Variants in VPS29 observed in about 807,000 individuals in gnomAD.
The protein encoded by VPS29 is VPS29 retromer complex component.
Under a neutral mutation model 20.0 loss-of-function variants are expected in VPS29, and 2 were observed. That is an observed-to-expected ratio of 0.10 (90% CI 0.04 to 0.31). The LOEUF (loss-of-function observed/expected upper bound fraction) is 0.31, where lower values mean the gene tolerates loss of function less well. Ranked by LOEUF, VPS29 falls within the 10% of genes least tolerant of loss-of-function variation. VPS29 has a pLI of 1.00. For synonymous variants in VPS29, 81 were observed against 79.3 expected (o/e 1.02, Z -0.12); for missense variants, 120 against 215.3 (o/e 0.56, Z 2.77).
chr12:110,496,126 C>T lies in VPS29; in HGVS notation c.81G>A (p.Val27=). ...AGAGAATGTGCTGAATTTTTCCTGG[C>T]ACCAGGAGTTTTTTGAATTTAGCTG... ...SLPAKFKKLL[V]PGKIQHILCT... Residue 27 remains valine, a synonymous_variant, in exon 2 of 4, where the codon GTG becomes GTA. Coordinates refer to ENST00000549578, the MANE Select transcript of VPS29 (RefSeq NM_016226.5). The T allele has an allele frequency of 1.2e-6, 2 of 1,613,988 alleles. No homozygotes were observed. The highest frequency in any genetic ancestry group is 1.7e-6 in the Non-Finnish European group (2 of 1,179,914).
intron 1 of VPS29, chr12:110,501,675 C>A (rs2063052544): frequency 6.7e-7 from 1 of 1,486,108 alleles, no homozygotes; most frequent in African/African-American, 1.4e-5. Flanking sequence ...TTGCGGGAAA[C>A]GAGTAGGAAC....
chr12:110,499,572 C>T, intron 1 of VPS29: 1 of 1,562,576 alleles, frequency 6.4e-7, no homozygotes, highest in Non-Finnish European at 8.8e-7. Context: ...AAGTTGATTG[C>T]AGACAGGGGG....
intron 1 of VPS29, among the ~76,000 whole-genome samples, chr12:110,498,584 C>A (rs1051269641): frequency 2.0e-5 from 3 of 152,140 alleles, no homozygotes; most frequent in African/African-American, 7.2e-5. Flanking sequence ...GGAACCGTTA[C>A]CAGGACACAG....
rs2062819229 is a variant in VPS29, at chr12:110,491,663, A to G, written c.*342T>C. 5.6e-6 allele frequency: 1 copy of G among 178,114 alleles called. No individual in the cohort carries two copies. The highest frequency in any genetic ancestry group is 1.2e-5 in the Non-Finnish European group (1 of 85,330). The allele number at this position is 178,114 out of a possible 1,614,324, so 11.0% of individuals were successfully genotyped here. A position where few individuals can be genotyped will look rare whatever the true frequency, so the allele number is the denominator to read the frequency against. On this transcript the variant is annotated 3_prime_UTR_variant, in exon 4 of 4. Transcript: ENST00000549578. ...TTGTTTATTACTGGAGAAGAGAAAA[A>G]TGTATACAAGAAAGTCTAGATTCTT... is the stretch of plus-strand genomic sequence containing the variant.
intron 1 of VPS29, chr12:110,501,376 C>T (rs1448833573): frequency 1.3e-6 from 2 of 1,534,760 alleles, no homozygotes; most frequent in Admixed American, 2.0e-5. Context: ...AAAAATTTCC[C>T]AACAGTTTCA....
intron 2 of VPS29, among the ~76,000 whole-genome samples, chr12:110,493,887 A>C (rs915417314): frequency 3.3e-5 from 5 of 152,174 alleles, no homozygotes; most frequent in Non-Finnish European, 5.9e-5. Context: ...ATTATAGCTT[A>C]ATGTAGCCTT....
chr12:110,493,226 C>A lies in VPS29; in HGVS notation c.201G>T (p.Leu67=), dbSNP rs1279962891. The A allele has an allele frequency of 6.7e-7, 1 of 1,500,548 alleles. No homozygotes were observed. 93.0% of individuals were successfully genotyped at this position (1,500,548 alleles called of 1,614,324 possible). Residue 67 remains leucine, a synonymous_variant, in exon 3 of 4, where the codon CTG becomes CTT. Transcript: ENST00000549578. ...HIVRGDFDEN[L]NYPEQKVVTV... is the part of the protein sequence containing the mutation. ...TCACAACTTTCTGTTCTGGATAATT[C>A]AGATTCTAACATAAGAAAAAGACGT...
At position 110,492,118 on chromosome 12, in the gene VPS29, T is replaced by C; in HGVS notation, c.436A>G (p.Ile146Val). The change falls in exon 4 of 4, where the codon ATT (isoleucine) becomes GTT (valine). Residue 146 changes from isoleucine to valine, a missense_variant. By Grantham distance (29) the Ile-to-Val change is conservative. Transcript: ENST00000549578. Reference protein sequence around the residue: ...TGAYNALETNIIPSFVLMDIQ... With the variant: ...TGAYNALETNVIPSFVLMDIQ... ...TCCATCAACACAAATGATGGAATAA[T>C]GTTTCTAGAAGAAAAAATAAATAAT... 1.9e-6 allele frequency: 3 copies of C among 1,607,592 alleles called. No homozygotes were observed. Among genetic ancestry groups the C allele is most frequent in the Non-Finnish European group, 1.7e-6 (2 of 1,175,864 alleles).
chr12:110,496,057 C>T lies in VPS29; in HGVS notation c.150G>A (p.Lys50=). The change falls in exon 2 of 4, where the codon AAG becomes AAA. Residue 50 remains lysine, a synonymous_variant. Transcript: ENST00000549578. The part of the protein sequence containing the change: ...LCTKESYDYL[K]TLAGDVHIVR... Reference sequence around the variant, plus strand: ...CAATATGAACATCACCAGCCAGAGTCTTGAGATAGTCATAACTCTCTTTGG... The same window carrying T: ...CAATATGAACATCACCAGCCAGAGTTTTGAGATAGTCATAACTCTCTTTGG... The T allele has an allele frequency of 6.2e-7, 1 of 1,610,208 alleles. No homozygotes were observed.
Position 110,493,172 on chromosome 12 carries a change from G to T in VPS29, c.255C>A (p.Ile85=), listed in dbSNP as rs1441986670. The T allele has an allele frequency of 1.2e-6, 2 of 1,609,218 alleles. No individual in the cohort carries two copies. The highest frequency in any genetic ancestry group is 2.7e-5 in the African/African-American group (2 of 74,720). Residue 85 remains isoleucine, a synonymous_variant, in exon 3 of 4, where the codon ATC becomes ATA. Coordinates refer to ENST00000549578, the MANE Select transcript of VPS29 (RefSeq NM_016226.5). Reference sequence around the variant, plus strand: ...CCCATGGAATAACTTGATGTCCATGGATCAGACCAATTTTGAACTGTCCAA... The same window carrying T: ...CCCATGGAATAACTTGATGTCCATGTATCAGACCAATTTTGAACTGTCCAA... The part of the protein sequence containing the change: ...VTVGQFKIGL[I]HGHQVIPWGD...
intron 2 of VPS29, among the ~76,000 whole-genome samples, chr12:110,494,701 C>G (rs1233869461): frequency 6.6e-6 from 1 of 151,886 alleles, no homozygotes; most frequent in Non-Finnish European, 1.5e-5. Flanking sequence ...CCATTATTAA[C>G]TAATGGGAAC....
intron 2 of VPS29, 79 bp downstream of exon 2, chr12:110,495,933 C>A: frequency 1.2e-5 from 16 of 1,289,910 alleles, no homozygotes; most frequent in Middle Eastern, 2.0e-4. Flanking sequence ...AGTTGAGAAA[C>A]CCTGGTCTAA....
At position 110,493,177 on chromosome 12, in the gene VPS29, G is replaced by C. The variant is rs2062845599; in HGVS notation, c.250C>G (p.Leu84Val). Reference sequence around the variant, plus strand: ...GGAATAACTTGATGTCCATGGATCAGACCAATTTTGAACTGTCCAACAGTC... The same window carrying C: ...GGAATAACTTGATGTCCATGGATCACACCAATTTTGAACTGTCCAACAGTC... ...VVTVGQFKIGLIHGHQVIPWG... is the reference protein window; with the variant it reads ...VVTVGQFKIGVIHGHQVIPWG... Residue 84 changes from leucine to valine, a missense_variant, in exon 3 of 4, where the codon CTG (leucine) becomes GTG (valine). Coordinates refer to ENST00000549578, the MANE Select transcript of VPS29 (RefSeq NM_016226.5). The C allele has an allele frequency of 6.2e-7, 1 of 1,607,486 alleles. No individual in the cohort carries two copies.
At chr12:110,502,021 C>A in intron 1 of VPS29, 28 bp downstream of exon 1, 2 of 1,613,184 alleles carry the variant, frequency 1.2e-6, no homozygotes, top group Non-Finnish European at 1.7e-6. Flanking sequence ...GAGAGCCAGG[C>A]CTTGGTCGCC....
At chr12:110,494,820 C>T (rs897596304) in intron 2 of VPS29, among the ~76,000 whole-genome samples, 2 of 152,036 alleles carry the variant, frequency 1.3e-5, no homozygotes, top group African/African-American at 4.8e-5. Context: ...CCCAGGTTCA[C>T]ACCATTCTCC....
At chr12:110,495,536 C>T (rs1189323418) in intron 2 of VPS29, among the ~76,000 whole-genome samples, 4 of 151,798 alleles carry the variant, frequency 2.6e-5, no homozygotes, top group Non-Finnish European at 4.4e-5. Flanking sequence ...CACGGCAAAA[C>T]GCCATCTCTA....
At chr12:110,493,671 A>G (rs1328418164) in intron 2 of VPS29, among the ~76,000 whole-genome samples, 1 of 152,100 alleles carries the variant, frequency 6.6e-6, no homozygotes, top group East Asian at 1.9e-4. Context: ...CCACATTTAT[A>G]AATATTTTAT....
At chr12:110,501,941 A>T in intron 1 of VPS29, 108 bp downstream of exon 1, 1 of 1,606,218 alleles carries the variant, frequency 6.2e-7, no homozygotes, top group South Asian at 1.1e-5. Context: ...CCTGACGCCG[A>T]GGCCTCCGGG....
chr12:110,496,161 T>C lies in VPS29; in HGVS notation c.46A>G (p.Asn16Asp). ...TTTTTGAATTTAGCTGGCAAACTGT[T>C]GCACCGGTGTGGGATGTGCAGATCT... ...LGDLHIPHRC[N>D]SLPAKFKKLL... Residue 16 changes from asparagine to aspartate, a missense_variant, in exon 2 of 4, where the codon AAC becomes GAC. Transcript: ENST00000549578. 1 of 1,614,024 alleles carries C rather than the reference T, an allele frequency of 6.2e-7. No homozygotes were observed. Among genetic ancestry groups the C allele is most frequent in the Non-Finnish European group, 8.5e-7 (1 of 1,179,922 alleles).
Sources: allele counts gnomAD v4.1 joint callset (sites outside exome capture counted in the v4.1 genomes callset), GRCh38; gene constraint gnomAD v4.1.1; transcripts MANE v1.5; gene names NCBI Gene and HGNC (gene_info 2026-07-23, HGNC 2026-07-21).